PIK3R3: variants seen among roughly 807,000 people sequenced by gnomAD.
PIK3R3 encodes the protein phosphatidylinositol 3-kinase regulatory subunit gamma.
PIK3R3 carries 64 observed loss-of-function variants against 62.9 expected under a neutral mutation model. The ratio of observed to expected loss-of-function variants is 1.02; its 90% CI spans 0.83 to 1.25. The LOEUF (loss-of-function observed/expected upper bound fraction) is 1.25, where lower values mean the gene tolerates loss of function less well. PIK3R3 is among the 50% of genes most tolerant of loss of function. The pLI is 0.00. For missense variants in PIK3R3, 614 were observed against 561.6 expected (o/e 1.09, Z -0.94); for synonymous variants, 165 against 189.0 (o/e 0.87, Z 1.04).
chr1:46,111,754 GTC>G (rs1653765453), intron 1 of PIK3R3, among the ~76,000 whole-genome samples: 2 of 151,958 alleles, frequency 1.3e-5, no homozygotes, highest in Admixed American at 1.3e-4. Context: ...CATGTTTTGG[GTC>G]TCTGAGAAGC....
At position 46,044,426 on chromosome 1, in the gene PIK3R3, A is replaced by G. The variant is rs1375696307; in HGVS notation, c.1188-555T>C. On this transcript the variant is annotated intron_variant, in intron 9 of 9. Coordinates refer to ENST00000262741, the MANE Select transcript of PIK3R3 (RefSeq NM_003629.4). The surrounding 1 kb of genome is among the most constrained non-coding windows in gnomAD (Gnocchi z 4.2). Reference sequence around the variant, plus strand: ...TGTAAGGACTGCAGCCAAGTCCTGAACCTACAGGCTGCCACCCAATAACCT... The same window carrying G: ...TGTAAGGACTGCAGCCAAGTCCTGAGCCTACAGGCTGCCACCCAATAACCT... 6.6e-6 allele frequency among the ~76,000 whole-genome samples: 1 copy of G among 152,088 alleles called. No individual in the cohort carries two copies. Among genetic ancestry groups the G allele is most frequent in the Non-Finnish European group, 1.5e-5 (1 of 68,004 alleles).
intron 2 of PIK3R3, among the ~76,000 whole-genome samples, chr1:46,079,677 G>A (rs980729703): frequency 6.6e-6 from 1 of 152,154 alleles, no homozygotes; most frequent in East Asian, 1.9e-4. Context: ...TTTTCAGCCA[G>A]GTGCAGTGGC....
At chr1:46,094,789 G>C (rs1651962981) in intron 1 of PIK3R3, among the ~76,000 whole-genome samples, 1 of 152,142 alleles carries the variant, frequency 6.6e-6, no homozygotes, top group Non-Finnish European at 1.5e-5. Flanking sequence ...TCCCAAATCA[G>C]ACACTGTTGG....
intron 1 of PIK3R3, among the ~76,000 whole-genome samples, chr1:46,131,099 T>C (rs1390422279): frequency 6.6e-6 from 1 of 152,234 alleles, no homozygotes; most frequent in East Asian, 1.9e-4. Context: ...AAAGGTTCCC[T>C]CGTTTTTGTT....
In PIK3R3 at chr1:46,049,745, G is replaced by C. The variant is rs542298119; in HGVS notation, c.942-3120C>G. On this transcript the variant is annotated intron_variant, in intron 7 of 9. Coordinates refer to ENST00000262741, the MANE Select transcript of PIK3R3 (RefSeq NM_003629.4). ...GATCCAAGTGTCAGTCTGTGTAGGA[G>C]GTATGAATGATAACAGAGATCAAAT... Among the ~76,000 whole-genome samples the C allele has an allele frequency of 1.7e-3, 257 of 152,224 alleles. 1 individual carries two copies. The highest frequency in any genetic ancestry group is 3.1e-3 in the Non-Finnish European group (208 of 68,010).
intron 1 of PIK3R3, among the ~76,000 whole-genome samples, chr1:46,117,094 A>G (rs1654251653): frequency 6.6e-6 from 1 of 152,174 alleles, no homozygotes. Flanking sequence ...CAGCCCACCA[A>G]AAAAATTAAG....
the PIK3R3 span, among the ~76,000 whole-genome samples, chr1:46,149,472 A>G: frequency 1.3e-5 from 2 of 150,418 alleles, no homozygotes; most frequent in Non-Finnish European, 3.0e-5. Context: ...ATAACAGTTT[A>G]TAAATACCAT....
intron 3 of PIK3R3, among the ~76,000 whole-genome samples, chr1:46,070,453 A>G (rs1649381018): frequency 6.6e-6 from 1 of 152,266 alleles, no homozygotes; most frequent in Non-Finnish European, 1.5e-5. Flanking sequence ...TTCTATAGTT[A>G]AAAGTGGGAA....
chr1:46,079,527 AG>A (rs1334715958), intron 2 of PIK3R3, among the ~76,000 whole-genome samples: 1 of 152,230 alleles, frequency 6.6e-6, no homozygotes, highest in Non-Finnish European at 1.5e-5. Flanking sequence ...AGAGAAAGAA[AG>A]GTACAGAAAT....
rs1651300065 is a variant in PIK3R3 at position 46,088,458 on chromosome 1, T to A, written c.107-7708A>T. Among the ~76,000 whole-genome samples the A allele has an allele frequency of 6.6e-5, 10 of 152,138 alleles. No homozygotes were observed. In the South Asian group the frequency reaches 2.1e-3, roughly 32 times the overall value. On this transcript the variant is annotated intron_variant, in intron 1 of 9. Transcript: ENST00000262741. ...ATCTCAGATATATAAAAGGAAAGAC[T>A]GCATCTATGAAAGACAAACAAGATC...
chr1:46,143,493 G>C, the PIK3R3 span, among the ~76,000 whole-genome samples: 1 of 151,880 alleles, frequency 6.6e-6, no homozygotes, highest in Non-Finnish European at 1.5e-5. Flanking sequence ...GCCCAGGCTG[G>C]AGTGCAGTGG....
rs1048676767 is a variant in PIK3R3, at chr1:46,057,767, G to C, written c.765-1796C>G. On this transcript the variant is annotated intron_variant, in intron 6 of 9. Coordinates refer to ENST00000262741, the MANE Select transcript of PIK3R3 (RefSeq NM_003629.4). ...AGCAAAGCATTCAAGAGGTGACGTG[G>C]GTGCTCTTAAAAGCATTCAGTTTTA... Among the ~76,000 whole-genome samples, 5 of 152,138 alleles carry C rather than the reference G, an allele frequency of 3.3e-5. No homozygotes were observed. The South Asian group carries it at 1.0e-3, about 32-fold the overall frequency.
At chr1:46,125,072 C>A (rs1411012271) in intron 1 of PIK3R3, among the ~76,000 whole-genome samples, 1 of 152,010 alleles carries the variant, frequency 6.6e-6, no homozygotes, top group African/African-American at 2.4e-5. Context: ...GTACTCCAGA[C>A]TGGGGGACAA....
chr1:46,143,002 A>T, the PIK3R3 span, among the ~76,000 whole-genome samples: 6 of 152,206 alleles, frequency 3.9e-5, no homozygotes, highest in African/African-American at 7.2e-5. Context: ...AGTCCTGTGT[A>T]GATTTGTGTA....
intron 9 of PIK3R3, among the ~76,000 whole-genome samples, chr1:46,045,616 GCTTTTT>G (rs1647090026): frequency 1.2e-3 from 20 of 16,546 alleles, no homozygotes; most frequent in Non-Finnish European, 6.1e-4. Context: ...ACAATTAAGT[GCTTTTT>G]TTTTTTTTTT....
At chr1:46,110,832 C>A (rs1479003487) in intron 1 of PIK3R3, among the ~76,000 whole-genome samples, 3 of 148,400 alleles carry the variant, frequency 2.0e-5, no homozygotes, top group African/African-American at 5.0e-5. Flanking sequence ...TGAAAAAAAG[C>A]GGAGGGGGGA....
chr1:46,135,276 A>C (rs1485978513), upstream of PIK3R3, among the ~76,000 whole-genome samples: 1 of 152,164 alleles, frequency 6.6e-6, no homozygotes, highest in Non-Finnish European at 1.5e-5. Flanking sequence ...AGCTCTAAGC[A>C]CTCAAGCTCC....
intron 1 of PIK3R3, among the ~76,000 whole-genome samples, chr1:46,123,604 G>C (rs72677550): frequency 0.18 from 28,073 of 152,164 alleles, 3,267 homozygotes; most frequent in Non-Finnish European, 0.26. Context: ...CAAACTTATA[G>C]TGAGGGGTAG....
chr1:46,121,478 T>A (rs1007112393), intron 1 of PIK3R3, among the ~76,000 whole-genome samples: 3 of 152,148 alleles, frequency 2.0e-5, no homozygotes, highest in African/African-American at 4.8e-5. Flanking sequence ...TTTTGATTCA[T>A]AATTGAATTT....
Sources: gnomAD v4.1 joint callset for allele counts (sites outside exome capture counted in the v4.1 genomes callset) on GRCh38, gnomAD v4.1.1 for gene constraint, Gnocchi (gnomAD v3.1) non-coding constraint, MANE v1.5 for transcripts, NCBI Gene and HGNC (gene_info 2026-07-23, HGNC 2026-07-21) for gene names.